Variants in B3GALT1 observed in about 807,000 individuals in gnomAD.
B3GALT1 encodes UDP-Gal:betaGlcNAc beta 1,3-galactosyltransferase, polypeptide 1.
B3GALT1 carries 10 observed loss-of-function variants against 23.2 expected under a neutral mutation model. The ratio of observed to expected loss-of-function variants is 0.43; its 90% CI spans 0.27 to 0.73. The LOEUF (loss-of-function observed/expected upper bound fraction) is 0.73. Ranked by LOEUF, B3GALT1 falls within the 30% of genes least tolerant of loss-of-function variation. The pLI is 0.21. For missense variants in B3GALT1, 299 were observed against 405.4 expected (o/e 0.74, Z 2.25); for synonymous variants, 156 against 141.5 (o/e 1.10, Z -0.73).
At chr2:167,425,209 T>C (rs1029158264) in intron 1 of B3GALT1, among the ~76,000 whole-genome samples, 3 of 152,234 alleles carry the variant, frequency 2.0e-5, no homozygotes, top group East Asian at 3.9e-4. Context: ...GTTTGTGTCC[T>C]GTGTAGAGTG....
chr2:167,319,891 G>A (rs555252434), intron 1 of B3GALT1, among the ~76,000 whole-genome samples: 1 of 152,074 alleles, frequency 6.6e-6, no homozygotes, highest in East Asian at 1.9e-4. Flanking sequence ...CAATATTCAG[G>A]CGAGAACACA....
chr2:167,379,142 G>A (rs535412586), intron 1 of B3GALT1, among the ~76,000 whole-genome samples: 1 of 152,272 alleles, frequency 6.6e-6, no homozygotes, highest in East Asian at 1.9e-4. Context: ...AGGTGAAGGG[G>A]AAGCAAGGCA....
intron 3 of B3GALT1, among the ~76,000 whole-genome samples, chr2:167,665,707 G>A (rs1022924933): frequency 3.9e-5 from 6 of 152,030 alleles, no homozygotes; most frequent in Non-Finnish European, 7.4e-5. Flanking sequence ...TGTATGTGTC[G>A]AGGAATTTAT....
intron 4 of B3GALT1, among the ~76,000 whole-genome samples, chr2:167,840,345 C>T (rs536223948): frequency 0.1 from 15,304 of 151,896 alleles, 971 homozygotes; most frequent in Middle Eastern, 0.19. Context: ...AAAAAACAAC[C>T]CCATCAAAAA....
At chr2:167,835,249 GC>G (rs1253592714) in intron 4 of B3GALT1, among the ~76,000 whole-genome samples, 3 of 151,222 alleles carry the variant, frequency 2.0e-5, no homozygotes, top group African/African-American at 4.9e-5. Flanking sequence ...CACAGGAAGC[GC>G]AAGGGGTCAG....
At chr2:167,716,364 T>C (rs1351260939) in intron 3 of B3GALT1, among the ~76,000 whole-genome samples, 7 of 152,234 alleles carry the variant, frequency 4.6e-5, no homozygotes, top group African/African-American at 1.4e-4. Context: ...ATTTTGAAGC[T>C]CTATTTTTTG....
chr2:167,462,081 C>G (rs1021104373), intron 1 of B3GALT1, among the ~76,000 whole-genome samples: 1 of 152,158 alleles, frequency 6.6e-6, no homozygotes, highest in African/African-American at 2.4e-5. Flanking sequence ...ATGCACAATA[C>G]ACACCATTGT....
At chr2:167,754,151 CTG>C (rs1687780113) in intron 3 of B3GALT1, among the ~76,000 whole-genome samples, 2 of 152,176 alleles carry the variant, frequency 1.3e-5, no homozygotes, top group South Asian at 4.2e-4. Context: ...GGGCAAGTAT[CTG>C]TGATGAATTG....
rs1418286442 is a variant in B3GALT1, at chr2:167,299,122, A to C, written c.-511+5788A>C. ...ACTGCACTTAGTTTTAATTGTACTT[A>C]GTGTTTTGTTTAGTCTTTGGCTATG... On this transcript the variant is annotated intron_variant, in intron 1 of 4. Coordinates refer to ENST00000392690, the MANE Select transcript of B3GALT1 (RefSeq NM_020981.4). Among the ~76,000 whole-genome samples the C allele has an allele frequency of 2.6e-5, 4 of 152,260 alleles. No individual in the cohort carries two copies. The South Asian group carries it at 8.3e-4, about 32-fold the overall frequency.
chr2:167,615,618 A>AT (rs1685147370), intron 2 of B3GALT1, among the ~76,000 whole-genome samples: 1 of 152,094 alleles, frequency 6.6e-6, no homozygotes, highest in South Asian at 2.1e-4. Flanking sequence ...AACGTGTTGC[A>AT]TACCATAAAT....
intron 1 of B3GALT1, among the ~76,000 whole-genome samples, chr2:167,412,762 C>G (rs1698410925): frequency 6.6e-6 from 1 of 152,094 alleles, no homozygotes; most frequent in Non-Finnish European, 1.5e-5. Flanking sequence ...ATGTGTACAT[C>G]TCTTCATCAA....
At chr2:167,296,682 G>T (rs1696354296) in intron 1 of B3GALT1, among the ~76,000 whole-genome samples, 1 of 152,034 alleles carries the variant, frequency 6.6e-6, no homozygotes, top group Non-Finnish European at 1.5e-5. Context: ...TTAACAAATT[G>T]TACTGTGTTC....
intron 1 of B3GALT1, among the ~76,000 whole-genome samples, chr2:167,381,122 C>T (rs558109713): frequency 6.6e-6 from 1 of 152,236 alleles, no homozygotes; most frequent in East Asian, 1.9e-4. Flanking sequence ...GGCTGGAGTG[C>T]AGTGGTACAA....
At chr2:167,441,389 G>A (rs1357967694) in intron 1 of B3GALT1, among the ~76,000 whole-genome samples, 2 of 152,192 alleles carry the variant, frequency 1.3e-5, no homozygotes, top group African/African-American at 2.4e-5. Context: ...TGGGCCCACT[G>A]ATAGCCCACC....
At chr2:167,650,483 G>A (rs1685842477) in intron 3 of B3GALT1, among the ~76,000 whole-genome samples, 1 of 151,654 alleles carries the variant, frequency 6.6e-6, no homozygotes, top group Non-Finnish European at 1.5e-5. Flanking sequence ...TTGGTCTGTA[G>A]TTTTCCTTTT....
intron 4 of B3GALT1, among the ~76,000 whole-genome samples, chr2:167,824,551 A>G (rs10203150): frequency 0.032 from 4,918 of 152,338 alleles, 262 homozygotes; most frequent in African/African-American, 0.11. Flanking sequence ...CTTGACTCCC[A>G]GTCTTGCTCT....
At chr2:167,468,025 G>A (rs1353361547) in intron 1 of B3GALT1, among the ~76,000 whole-genome samples, 2 of 152,094 alleles carry the variant, frequency 1.3e-5, no homozygotes, top group African/African-American at 4.8e-5. Context: ...TAGTAAGGGG[G>A]TGGAAAAGGA....
intron 1 of B3GALT1, among the ~76,000 whole-genome samples, chr2:167,353,143 G>C (rs1697343813): frequency 6.6e-6 from 1 of 152,168 alleles, no homozygotes; most frequent in South Asian, 2.1e-4. Flanking sequence ...GAGTTGCACG[G>C]AGATGGTAGT....
chr2:167,383,260 G>A (rs964133418), intron 1 of B3GALT1, among the ~76,000 whole-genome samples: 1 of 151,488 alleles, frequency 6.6e-6, no homozygotes, highest in African/African-American at 2.4e-5. Context: ...AGAGAACAGG[G>A]GTAATAGTGA....
Sources: allele counts gnomAD v4.1 joint callset (sites outside exome capture counted in the v4.1 genomes callset), GRCh38; gene constraint gnomAD v4.1.1; transcripts MANE v1.5; gene names NCBI Gene and HGNC (gene_info 2026-07-23, HGNC 2026-07-21).